The following CFAP20DC variants were observed in gnomAD, a reference collection of about 807,000 sequenced individuals.
CFAP20DC encodes CFAP20 domain containing.
In CFAP20DC, 84 loss-of-function variants were observed where a neutral mutation model predicts 101.7. That is an observed-to-expected ratio of 0.83 (90% CI 0.69 to 0.99). CFAP20DC has a LOEUF of 0.99. Among genes scored for constraint, CFAP20DC ranks in the 50% least tolerant of loss-of-function variants. The pLI, the probability that CFAP20DC is intolerant of heterozygous loss-of-function variation, is 0.00. For missense variants in CFAP20DC, 1,007 were observed against 970.3 expected (o/e 1.04, Z -0.50); for synonymous variants, 359 against 351.2 (o/e 1.02, Z -0.25).
At chr3:58,846,728 C>G (rs1166633743) in intron 13 of CFAP20DC, among the ~76,000 whole-genome samples, 4 of 149,840 alleles carry the variant, frequency 2.7e-5, no homozygotes, top group South Asian at 2.1e-4. Flanking sequence ...GCCAAAAGAA[C>G]AAAGCTGGAG....
At chr3:59,009,241 A>G (rs2093520486) in intron 4 of CFAP20DC, among the ~76,000 whole-genome samples, 3 of 152,176 alleles carry the variant, frequency 2.0e-5, no homozygotes, top group Non-Finnish European at 2.9e-5. Flanking sequence ...GGGAACCAGA[A>G]AAATAATTCT....
intron 4 of CFAP20DC, among the ~76,000 whole-genome samples, chr3:59,039,254 CA>C (rs1481937604): frequency 6.6e-6 from 1 of 151,964 alleles, no homozygotes; most frequent in African/African-American, 2.4e-5. Context: ...TCATTCAAAC[CA>C]AAATCTCAAA....
intron 15 of CFAP20DC, among the ~76,000 whole-genome samples, chr3:58,787,169 G>A (rs2072420505): frequency 6.6e-6 from 1 of 151,696 alleles, no homozygotes; most frequent in South Asian, 2.1e-4. Flanking sequence ...AACAGCTCTA[G>A]CACAGAGTAA....
rs1315442406 is a variant in CFAP20DC at position 58,897,292 on chromosome 3, G to A, written c.551-12583C>T. On this transcript the variant is annotated intron_variant, in intron 6 of 16. Coordinates refer to ENST00000482387, the MANE Select transcript of CFAP20DC (RefSeq NM_001394063.1). The surrounding 1 kb of genome is among the most constrained non-coding windows in gnomAD (Gnocchi z 4.4). The stretch of plus-strand genomic sequence containing the variant: ...TGTGTGTGTCTTTGCACATGAGATG[G>A]CAGCATACCATGAATCTTGGCTCAT... Among the ~76,000 whole-genome samples the A allele has an allele frequency of 1.3e-5, 2 of 152,010 alleles. No homozygotes were observed. Among genetic ancestry groups the A allele is most frequent in the Non-Finnish European group, 2.9e-5 (2 of 67,996 alleles).
chr3:58,884,630 T>G lies in CFAP20DC; in HGVS notation c.630A>C (p.Pro210=). The G allele has an allele frequency of 1.9e-6, 3 of 1,614,018 alleles. No homozygotes were observed. In the South Asian group the frequency reaches 3.3e-5, roughly 18 times the overall value. ...TCATGTTTAGCAGCTGTGTGACATG[T>G]GGAACATCTGTCATTAGTTGACAGC... ...PRSCQLMTDV[P]HVTQLLNMTK... Residue 210 remains proline (P), a synonymous_variant, in exon 7 of 17, where the codon CCA becomes CCC. Coordinates refer to ENST00000482387, the MANE Select transcript of CFAP20DC (RefSeq NM_001394063.1).
At chr3:58,850,615 CA>C (rs1196699448) in intron 12 of CFAP20DC, among the ~76,000 whole-genome samples, 1 of 144,990 alleles carries the variant, frequency 6.9e-6, no homozygotes, top group Non-Finnish European at 1.5e-5. Context: ...GACAAAACAA[CA>C]AAAAAAACCA....
At chr3:58,994,942 T>C (rs1207804222) in intron 4 of CFAP20DC, among the ~76,000 whole-genome samples, 2 of 152,166 alleles carry the variant, frequency 1.3e-5, no homozygotes, top group East Asian at 1.9e-4. Flanking sequence ...GGGGGAGCTA[T>C]GGTACTATTC....
Position 58,916,435 on chromosome 3 carries a change from ACG to A in CFAP20DC, c.394-2573_394-2572del, listed in dbSNP as rs373610136. 9.3e-4 allele frequency among the ~76,000 whole-genome samples: 141 copies of A among 152,234 alleles called. 6 individuals are homozygous for A. The South Asian group carries it at 0.029, about 31-fold the overall frequency. On this transcript the variant is annotated intron_variant, in intron 5 of 16. Coordinates refer to ENST00000482387, the MANE Select transcript of CFAP20DC (RefSeq NM_001394063.1). ...TACACTTTTCTTATCCATCATGGTC[ACG>A]CTCCTTTTATTCTGTCAACCTGGAC...
intron 4 of CFAP20DC, among the ~76,000 whole-genome samples, chr3:58,989,147 C>G (rs1222187865): frequency 1.3e-5 from 2 of 152,026 alleles, no homozygotes; most frequent in East Asian, 1.9e-4. Context: ...TCCACTGTGC[C>G]TTTTTTTCTT....
At chr3:58,938,452 C>T (rs2088021863) in intron 4 of CFAP20DC, among the ~76,000 whole-genome samples, 1 of 152,256 alleles carries the variant, frequency 6.6e-6, no homozygotes, top group Non-Finnish European at 1.5e-5. Flanking sequence ...GGTAACACAG[C>T]AGGCTTAAAA....
rs1245253316 is a variant in CFAP20DC, at chr3:59,039,626, C to G, written c.209G>C (p.Gly70Ala). The G allele has an allele frequency of 6.6e-7, 1 of 1,520,356 alleles. No individual in the cohort carries two copies. Among genetic ancestry groups the G allele is most frequent in the Admixed American group, 2.0e-5 (1 of 49,800 alleles). The allele number at this position is 1,520,356 out of a possible 1,614,324, so 94.2% of individuals were successfully genotyped here. The change falls in exon 4 of 17, where the codon GGA becomes GCA. Residue 70 changes from glycine (G) to alanine (A), a missense_variant. Physicochemically the swap from Gly to Ala is moderately conservative, Grantham distance 60 (BLOSUM62 0). Coordinates refer to ENST00000482387, the MANE Select transcript of CFAP20DC (RefSeq NM_001394063.1). ...AAGTACAAGAAACCTCTGGATCAAT[C>G]CAACTAGAATGAAGAGGAAATACAC... ...QLPKENKQSL[G>A]LIQRFLVLQI...
At chr3:58,907,626 G>A (rs1433517033) in intron 6 of CFAP20DC, among the ~76,000 whole-genome samples, 1 of 152,162 alleles carries the variant, frequency 6.6e-6, no homozygotes, top group Non-Finnish European at 1.5e-5. Flanking sequence ...CAGGATCACA[G>A]CAATGTACTG....
chr3:58,809,802 C>T lies in CFAP20DC; in HGVS notation c.2176-3346G>A, dbSNP rs2074448097. 2.6e-5 allele frequency among the ~76,000 whole-genome samples: 4 copies of T among 152,038 alleles called. No homozygotes were observed. The South Asian group carries it at 8.3e-4, about 32-fold the overall frequency. ...AAGGATCAACAAAATTGATAGACCT[C>T]CAGCAAGACTAATAAAGAAAAAAAG... is the stretch of plus-strand genomic sequence containing the variant. On this transcript the variant is annotated intron_variant, in intron 14 of 16. Coordinates refer to ENST00000482387, the MANE Select transcript of CFAP20DC (RefSeq NM_001394063.1).
Position 59,002,273 on chromosome 3 carries a change from T to G in CFAP20DC, c.278+37284A>C, listed in dbSNP as rs1330631333. On this transcript the variant is annotated intron_variant, in intron 4 of 16. Coordinates refer to ENST00000482387, the MANE Select transcript of CFAP20DC (RefSeq NM_001394063.1). The surrounding 1 kb of genome is among the most constrained non-coding windows in gnomAD (Gnocchi z 4.5). ...ATGAGTGTGTGGCACACACACATGC[T>G]GAATAATTAGCTTCCCTCCTAAGGG... Among the ~76,000 whole-genome samples the G allele has an allele frequency of 6.6e-6, 1 of 152,234 alleles. No homozygotes were observed. The highest frequency in any genetic ancestry group is 1.5e-5 in the Non-Finnish European group (1 of 68,040).
intron 15 of CFAP20DC, among the ~76,000 whole-genome samples, chr3:58,766,939 C>A (rs1260276448): frequency 6.6e-6 from 1 of 152,218 alleles, no homozygotes; most frequent in Non-Finnish European, 1.5e-5. Flanking sequence ...TCAATCTAGT[C>A]GAGCTCCTTT....
intron 5 of CFAP20DC, among the ~76,000 whole-genome samples, chr3:58,936,514 G>C (rs998320949): frequency 3.9e-5 from 6 of 152,046 alleles, no homozygotes; most frequent in African/African-American, 1.2e-4. Flanking sequence ...GCAAAGACTT[G>C]GAACCAAGCC....
At chr3:58,817,519 C>G (rs1341416908) in intron 14 of CFAP20DC, among the ~76,000 whole-genome samples, 1 of 145,422 alleles carries the variant, frequency 6.9e-6, no homozygotes, top group Non-Finnish European at 1.5e-5. Flanking sequence ...CCGATGCGAT[C>G]AACTGGAAGA....
chr3:58,975,621 C>T (rs1029572375), intron 4 of CFAP20DC, among the ~76,000 whole-genome samples: 23 of 152,134 alleles, frequency 1.5e-4, no homozygotes, highest in Non-Finnish European at 3.4e-4. Context: ...TCCTTGTTTA[C>T]TTAAAAGGAG....
At chr3:59,005,558 T>C (rs904201630) in intron 4 of CFAP20DC, among the ~76,000 whole-genome samples, 2 of 152,224 alleles carry the variant, frequency 1.3e-5, no homozygotes, top group South Asian at 2.1e-4. Context: ...AATTTTTATA[T>C]GAATTAAGCT....
Sources: allele counts gnomAD v4.1 joint callset (sites outside exome capture counted in the v4.1 genomes callset), GRCh38; gene constraint gnomAD v4.1.1; non-coding constraint Gnocchi (gnomAD v3.1); transcripts MANE v1.5; gene names NCBI Gene and HGNC (gene_info 2026-07-23, HGNC 2026-07-21).